The following RBFOX1 variants were observed in gnomAD, a reference collection of about 807,000 sequenced individuals.
RBFOX1 encodes the protein RNA binding protein fox-1 homolog 1.
RBFOX1 carries 8 observed loss-of-function variants against 57.7 expected under a neutral mutation model. That is an observed-to-expected ratio of 0.14 (90% CI 0.08 to 0.25). The LOEUF is 0.25. Ranked by LOEUF, RBFOX1 falls within the 10% of genes least tolerant of loss-of-function variation. RBFOX1 has a pLI of 1.00. For missense variants in RBFOX1, 611 were observed against 548.5 expected (o/e 1.11, Z -1.14); for synonymous variants, 326 against 222.4 (o/e 1.47, Z -4.15).
chr16:7,395,429 C>T lies in RBFOX1; in HGVS notation c.28-122718C>T, dbSNP rs549960887. ...TGTAAATGAAACATTAGGGTATTAA[C>T]TGTGGAGCCAGAAGTATTGGGGAAG... On this transcript the variant is annotated intron_variant, in intron 4 of 15. Coordinates refer to ENST00000550418, the MANE Select transcript of RBFOX1 (RefSeq NM_018723.4). Among the ~76,000 whole-genome samples the T allele has an allele frequency of 8.5e-5, 13 of 152,310 alleles. No individual in the cohort carries two copies. In the South Asian group the frequency reaches 2.7e-3, roughly 32 times the overall value.
chr16:5,892,102 T>C (rs1394389825), intron 4 of RBFOX1, among the ~76,000 whole-genome samples: 1 of 152,186 alleles, frequency 6.6e-6, no homozygotes, highest in East Asian at 1.9e-4. Context: ...TTACGGCACT[T>C]ATATTCTAGC....
In RBFOX1 at chr16:6,478,409, ATATATATATATATATATATATTTTTT is replaced by A. The variant is rs1258791906; in HGVS notation, c.-64+161354_-64+161379del. 1.3e-4 allele frequency among the ~76,000 whole-genome samples: 4 copies of A among 30,700 alleles called. 1 individual carries two copies. Among genetic ancestry groups the A allele is most frequent in the Admixed American group, 7.4e-4 (3 of 4,080 alleles). 20.1% of individuals were successfully genotyped at this position (30,700 alleles called of 152,430 possible). ...AGCTAATATATATATATATATATATATATATATATATATATATATATTTTTTTTTTTTTTTTTTGTATTTTTAGTAG... is the reference window on the plus strand; with the variant it reads ...AGCTAATATATATATATATATATATATTTTTTTTTTTTGTATTTTTAGTAG... On this transcript the variant is annotated intron_variant, in intron 2 of 15. Transcript: ENST00000550418.
intron 4 of RBFOX1, among the ~76,000 whole-genome samples, chr16:6,012,879 G>C (rs1490152909): frequency 1.3e-5 from 2 of 152,156 alleles, no homozygotes; most frequent in South Asian, 2.1e-4. Flanking sequence ...CTTTCACTTG[G>C]ATAAAGGAAA....
chr16:5,785,490 G>A (rs1223544344), intron 3 of RBFOX1, among the ~76,000 whole-genome samples: 2 of 151,850 alleles, frequency 1.3e-5, no homozygotes, highest in Admixed American at 6.6e-5. Context: ...TCTCTGCATG[G>A]TGTCTTCAAT....
At chr16:6,913,427 C>G (rs2072234668) in intron 3 of RBFOX1, among the ~76,000 whole-genome samples, 1 of 152,140 alleles carries the variant, frequency 6.6e-6, no homozygotes, top group African/African-American at 2.4e-5. Flanking sequence ...TTGAGAACAT[C>G]TTTCCTCTCA....
intron 2 of RBFOX1, among the ~76,000 whole-genome samples, chr16:5,583,105 G>A (rs7205439): frequency 0.63 from 95,896 of 152,078 alleles, 30,608 homozygotes; most frequent in Non-Finnish European, 0.68. Context: ...AACCCTGGCA[G>A]TTTGGCTTGC....
chr16:5,467,390 A>C, intron 2 of RBFOX1: 1 of 778,348 alleles, frequency 1.3e-6, no homozygotes, highest in South Asian at 2.0e-5. Flanking sequence ...AGCACAGTTC[A>C]TCCCTTAGCA....
chr16:7,404,409 C>T (rs181180429), intron 4 of RBFOX1, among the ~76,000 whole-genome samples: 1 of 152,266 alleles, frequency 6.6e-6, no homozygotes, highest in African/African-American at 2.4e-5. Context: ...AGGGACAGGC[C>T]TCCAAGCTTC....
At chr16:6,166,403 C>T (rs1488139509) in intron 1 of RBFOX1, among the ~76,000 whole-genome samples, 3 of 139,966 alleles carry the variant, frequency 2.1e-5, no homozygotes, top group Admixed American at 7.1e-5. Flanking sequence ...TTCCTTGGGG[C>T]GGGGTTGGGG....
intron 1 of RBFOX1, among the ~76,000 whole-genome samples, chr16:6,216,885 C>T (rs12919389): frequency 0.69 from 104,145 of 151,252 alleles, 36,062 homozygotes; most frequent in South Asian, 0.82. Flanking sequence ...TTTTTTTCCG[C>T]TCTCCCTTGG....
At chr16:5,305,403 G>A (rs1389520823) in intron 1 of RBFOX1, among the ~76,000 whole-genome samples, 1 of 152,034 alleles carries the variant, frequency 6.6e-6, no homozygotes, top group African/African-American at 2.4e-5. Flanking sequence ...ATCTACAGAG[G>A]ATGACTGAGG....
chr16:7,217,086 G>C lies in RBFOX1; in HGVS notation c.27+164988G>C, dbSNP rs549602617. 1.3e-3 allele frequency among the ~76,000 whole-genome samples: 143 copies of C among 111,442 alleles called. 1 individual carries two copies. Among genetic ancestry groups the C allele is most frequent in the South Asian group, 3.2e-3 (10 of 3,168 alleles). The allele number at this position is 111,442 out of a possible 152,430, so 73.1% of individuals were successfully genotyped here. ...CCCTCTCCTTTCCCTCTCCTCCCCT[G>C]TTTCCCTTTCCTTCCCTTCCCTTTC... On this transcript the variant is annotated intron_variant, in intron 4 of 15. Transcript: ENST00000550418.
In RBFOX1 at chr16:6,976,014, C is replaced by T. The variant is rs2086751257; in HGVS notation, c.-15-76043C>T. ...TGGTGGTGGGCGCCTGTAATCTCAG[C>T]TATTTGAGAGGCTGAGGGAAGTGAA... On this transcript the variant is annotated intron_variant, in intron 3 of 15. Coordinates refer to ENST00000550418, the MANE Select transcript of RBFOX1 (RefSeq NM_018723.4). 2.0e-5 allele frequency among the ~76,000 whole-genome samples: 3 copies of T among 151,954 alleles called. No homozygotes were observed. The South Asian group carries it at 6.2e-4, about 31-fold the overall frequency.
At chr16:6,601,315 CCT>C (rs967808827) in intron 2 of RBFOX1, among the ~76,000 whole-genome samples, 13 of 152,110 alleles carry the variant, frequency 8.5e-5, no homozygotes, top group African/African-American at 2.9e-4. Flanking sequence ...TACACTCTCC[CCT>C]CTCTCATGAA....
At chr16:5,684,017 G>A (rs1235968967) in intron 3 of RBFOX1, among the ~76,000 whole-genome samples, 2 of 151,984 alleles carry the variant, frequency 1.3e-5, no homozygotes, top group East Asian at 1.9e-4. Flanking sequence ...GGAGAATGCA[G>A]ATGCATTATT....
intron 3 of RBFOX1, among the ~76,000 whole-genome samples, chr16:6,795,370 C>T (rs1053985162): frequency 6.6e-5 from 10 of 151,978 alleles, no homozygotes; most frequent in African/African-American, 2.4e-4. Context: ...GAGTCCACAA[C>T]AAAATAAGAA....
intron 4 of RBFOX1, among the ~76,000 whole-genome samples, chr16:7,315,461 C>CCCA (rs201838423): frequency 0.011 from 1,726 of 150,924 alleles, 53 homozygotes; most frequent in African/African-American, 0.038. Context: ...ACCCTACCCC[C>CCCA]CCCCCCATAC....
chr16:6,258,229 A>G (rs2097680577), intron 1 of RBFOX1, among the ~76,000 whole-genome samples: 1 of 152,184 alleles, frequency 6.6e-6, no homozygotes, highest in Non-Finnish European at 1.5e-5. Flanking sequence ...GGAAAGAAAA[A>G]TGCTGATGCA....
intron 1 of RBFOX1, among the ~76,000 whole-genome samples, chr16:5,303,673 C>T (rs568071598): frequency 6.6e-6 from 1 of 151,692 alleles, no homozygotes; most frequent in Non-Finnish European, 1.5e-5. Context: ...GGAACCAGGC[C>T]TTATAGGTGT....
Sources: gnomAD v4.1 joint callset for allele counts (sites outside exome capture counted in the v4.1 genomes callset) on GRCh38, gnomAD v4.1.1 for gene constraint, MANE v1.5 for transcripts, NCBI Gene and HGNC (gene_info 2026-07-23, HGNC 2026-07-21) for gene names.